CPNE8: variants seen among roughly 807,000 people sequenced by gnomAD.
CPNE8 encodes copine-8.
Under a neutral mutation model 81.5 loss-of-function variants are expected in CPNE8, and 45 were observed. That is an observed-to-expected ratio of 0.55 (90% confidence interval 0.44 to 0.71). The LOEUF (loss-of-function observed/expected upper bound fraction) is 0.71, where lower values mean the gene tolerates loss of function less well. Among genes scored for constraint, CPNE8 ranks in the 30% least tolerant of loss-of-function variants. The pLI, the probability that CPNE8 is intolerant of heterozygous loss-of-function variation, is 0.00. For missense variants in CPNE8, 594 were observed against 672.1 expected, an observed-to-expected ratio of 0.88 and a Z score of 1.28; for synonymous variants, 252 against 226.3, an observed-to-expected ratio of 1.11 and a Z score of -1.02.
At chr12:38,798,323 G>A (rs571483299) in intron 6 of CPNE8, among the ~76,000 whole-genome samples, 99 of 152,242 alleles carry the variant, frequency 6.5e-4, no homozygotes, top group East Asian at 5.0e-3. Context: ...CCCACAAAGG[G>A]AAGCCCATCA....
At chr12:38,690,949 G>A (rs1939661830) in intron 15 of CPNE8, among the ~76,000 whole-genome samples, 2 of 151,974 alleles carry the variant, frequency 1.3e-5, no homozygotes, top group Non-Finnish European at 2.9e-5. Flanking sequence ...TGTGGCATGT[G>A]GGCTATTTCA....
chr12:38,865,230 C>T (rs534064527), intron 3 of CPNE8, among the ~76,000 whole-genome samples: 12 of 152,262 alleles, frequency 7.9e-5, no homozygotes, highest in African/African-American at 2.4e-4. Flanking sequence ...AACCATTTGG[C>T]AGTATCTACT....
chr12:38,717,810 T>C (rs950200580), intron 13 of CPNE8, among the ~76,000 whole-genome samples: 1 of 151,244 alleles, frequency 6.6e-6, no homozygotes, highest in Non-Finnish European at 1.5e-5. Context: ...CAAAAAACTA[T>C]AAAGAAATAA....
intron 4 of CPNE8, among the ~76,000 whole-genome samples, chr12:38,842,283 G>C (rs963015449): frequency 6.6e-6 from 1 of 152,092 alleles, no homozygotes; most frequent in African/African-American, 2.4e-5. Flanking sequence ...CAATATCAGA[G>C]ATGAAACATA....
At chr12:38,833,351 C>CAAAAAAA (rs774534221) in intron 5 of CPNE8, among the ~76,000 whole-genome samples, 17 of 61,858 alleles carry the variant, frequency 2.7e-4, no homozygotes, top group Non-Finnish European at 4.6e-4. Context: ...GACCTTATCT[C>CAAAAAAA]AAAAAAAAAA....
At chr12:38,797,859 C>A (rs1228941055) in intron 6 of CPNE8, among the ~76,000 whole-genome samples, 3 of 152,078 alleles carry the variant, frequency 2.0e-5, no homozygotes, top group Non-Finnish European at 2.9e-5. Context: ...CTTAAAGGAG[C>A]TGATGGAGCT....
intron 19 of CPNE8, among the ~76,000 whole-genome samples, chr12:38,657,275 C>T (rs1200699562): frequency 6.6e-6 from 1 of 152,126 alleles, no homozygotes; most frequent in Non-Finnish European, 1.5e-5. Context: ...TTGCTCATAG[C>T]CAGTGCAGCA....
intron 19 of CPNE8, among the ~76,000 whole-genome samples, chr12:38,661,572 G>A (rs543857111): frequency 7.2e-5 from 11 of 152,014 alleles, no homozygotes; most frequent in Non-Finnish European, 8.8e-5. Flanking sequence ...AAACCTGCAC[G>A]TTGTACCCTA....
intron 6 of CPNE8, among the ~76,000 whole-genome samples, chr12:38,813,126 C>T (rs56157191): frequency 0.014 from 2,132 of 152,152 alleles, 23 homozygotes; most frequent in Non-Finnish European, 0.022. Flanking sequence ...TATTTTTCTT[C>T]AAAGGGCATG....
At chr12:38,840,012 A>T in intron 4 of CPNE8, 57 bp from the exon 5 acceptor site, 1 of 1,480,584 alleles carries the variant, frequency 6.8e-7, no homozygotes, top group Admixed American at 2.2e-5. Context: ...CTAGAAAAAA[A>T]ACCAGTATTT....
intron 13 of CPNE8, among the ~76,000 whole-genome samples, chr12:38,719,854 G>T (rs779574671): frequency 3.3e-5 from 5 of 151,716 alleles, no homozygotes; most frequent in Admixed American, 1.3e-4. Flanking sequence ...TAAAAACAAC[G>T]GAATATATGC....
intron 10 of CPNE8, among the ~76,000 whole-genome samples, chr12:38,751,098 A>G (rs774453133): frequency 3.4e-4 from 52 of 152,246 alleles, no homozygotes; most frequent in Non-Finnish European, 7.1e-4. Context: ...TCATCCATGT[A>G]AGATGTGACT....
chr12:38,872,160 C>G (rs1460011335), intron 3 of CPNE8, among the ~76,000 whole-genome samples: 4 of 152,016 alleles, frequency 2.6e-5, no homozygotes, highest in Non-Finnish European at 5.9e-5. Flanking sequence ...TGTGCAGAAG[C>G]AGTTAGATAC....
intron 19 of CPNE8, among the ~76,000 whole-genome samples, chr12:38,655,295 A>G (rs1333150151): frequency 6.6e-6 from 1 of 152,132 alleles, no homozygotes; most frequent in Non-Finnish European, 1.5e-5. Flanking sequence ...TTCCATTCTC[A>G]TTTATAATGG....
chr12:38,847,281 G>A (rs1256602799), intron 4 of CPNE8, among the ~76,000 whole-genome samples: 3 of 152,122 alleles, frequency 2.0e-5, no homozygotes, highest in African/African-American at 7.2e-5. Flanking sequence ...ATAGAGGCTG[G>A]TTTTAACATA....
intron 15 of CPNE8, among the ~76,000 whole-genome samples, chr12:38,688,854 A>G (rs1939603159): frequency 6.6e-6 from 1 of 152,178 alleles, no homozygotes; most frequent in Admixed American, 6.6e-5. Context: ...AGGATAACTC[A>G]GTGACCACTG....
intron 18 of CPNE8, among the ~76,000 whole-genome samples, chr12:38,673,545 G>T (rs1240024791): frequency 6.6e-6 from 1 of 152,042 alleles, no homozygotes; most frequent in East Asian, 1.9e-4. Context: ...ATATTTTAGA[G>T]AAGCACCTGT....
At chr12:38,823,865 G>T (rs1262247259) in intron 6 of CPNE8, among the ~76,000 whole-genome samples, 1 of 152,104 alleles carries the variant, frequency 6.6e-6, no homozygotes, top group Non-Finnish European at 1.5e-5. Context: ...CAGAAAATTG[G>T]ATACAATCTC....
chr12:38,862,580 G>A (rs1000591614), intron 3 of CPNE8, among the ~76,000 whole-genome samples: 1 of 152,130 alleles, frequency 6.6e-6, no homozygotes, highest in African/African-American at 2.4e-5. Flanking sequence ...GCCTCTCAAA[G>A]GAGAATTTTT....
Sources: gnomAD v4.1 joint callset for allele counts (sites outside exome capture counted in the v4.1 genomes callset) on GRCh38, gnomAD v4.1.1 for gene constraint, MANE v1.5 for transcripts, NCBI Gene and HGNC (gene_info 2026-07-23, HGNC 2026-07-21) for gene names.